The following CFAP54 variants were observed in gnomAD, a reference collection of about 807,000 sequenced individuals.
CFAP54 encodes cilia and flagella associated protein 54, also known as cilia- and flagella-associated protein 54.
In CFAP54, 290 loss-of-function variants were observed where a neutral mutation model predicts 370.4. The observed-to-expected ratio is 0.78, with a 90% CI of 0.71 to 0.86. The LOEUF (loss-of-function observed/expected upper bound fraction) is 0.86, where lower values mean the gene tolerates loss of function less well. CFAP54 is among the 40% of genes least tolerant of loss of function. The pLI is 0.00. For synonymous variants in CFAP54, 1,206 were observed against 1,236.5 expected, an observed-to-expected ratio of 0.98 and a Z score of 0.52; for missense variants, 3,399 against 3,528.7, an observed-to-expected ratio of 0.96 and a Z score of 0.93.
intron 26 of CFAP54, among the ~76,000 whole-genome samples, chr12:96,604,035 T>C (rs551183940): frequency 9.9e-5 from 15 of 152,120 alleles, no homozygotes; most frequent in Non-Finnish European, 2.1e-4. Context: ...AGAAGAGGCG[T>C]TCTGTTTTTT....
chr12:96,653,475 A>C (rs1956884517), intron 36 of CFAP54, among the ~76,000 whole-genome samples: 2 of 152,254 alleles, frequency 1.3e-5, no homozygotes, highest in Admixed American at 1.3e-4. Flanking sequence ...TAATATAGGA[A>C]GAAAAATCTC....
Position 96,663,844 on chromosome 12 carries a change from T to G in CFAP54, c.5475T>G (p.Asn1825Lys). 1.2e-6 allele frequency: 2 copies of G among 1,612,474 alleles called. No individual in the cohort carries two copies. Among genetic ancestry groups the G allele is most frequent in the Non-Finnish European group, 1.7e-6 (2 of 1,179,234 alleles). The change falls in exon 39 of 68, where the codon AAT becomes AAG. Residue 1825 changes from asparagine to lysine, a missense_variant. Asn to Lys is a moderately conservative substitution (Grantham distance 94, BLOSUM62 0). Transcript: ENST00000524981. ...TCTTTTTAAAGATAACTTGCCGAAA[T>G]TTCATTGGGAAGCAGCTTAAGATTA... ...AEYGEKITCR[N>K]FIGKQLKINS...
chr12:96,522,289 GC>G, intron 8 of CFAP54, 100 bp downstream of exon 8: 1 of 809,798 alleles, frequency 1.2e-6, no homozygotes, highest in Non-Finnish European at 1.9e-6. Context: ...ATTAAATTCT[GC>G]CCCCAGTTCT....
At chr12:96,573,604 C>T (rs978707691) in intron 19 of CFAP54, among the ~76,000 whole-genome samples, 2 of 152,200 alleles carry the variant, frequency 1.3e-5, no homozygotes, top group Non-Finnish European at 2.9e-5. Context: ...ACATTGCTCC[C>T]TCACCATCTA....
At chr12:96,508,614 T>C (rs1460924485) in intron 4 of CFAP54, among the ~76,000 whole-genome samples, 1 of 149,140 alleles carries the variant, frequency 6.7e-6, no homozygotes, top group East Asian at 2.0e-4. Flanking sequence ...TTTTAAAAGA[T>C]TATTTCTGTA....
intron 62 of CFAP54, among the ~76,000 whole-genome samples, chr12:96,788,909 C>A (rs1958654774): frequency 6.6e-6 from 1 of 152,108 alleles, no homozygotes; most frequent in Non-Finnish European, 1.5e-5. Context: ...TTGTGGCATG[C>A]CCAATGCTCA....
intron 66 of CFAP54, among the ~76,000 whole-genome samples, chr12:96,840,821 A>G (rs1428431505): frequency 6.6e-6 from 1 of 152,008 alleles, no homozygotes; most frequent in East Asian, 1.9e-4. Context: ...ATTCCACACT[A>G]CTTTTAAAAC....
chr12:96,854,745 G>A (rs571897714), intron 66 of CFAP54, among the ~76,000 whole-genome samples: 1 of 152,152 alleles, frequency 6.6e-6, no homozygotes, highest in South Asian at 2.1e-4. Flanking sequence ...TGTTTTATTT[G>A]AATAAACTCA....
intron 50 of CFAP54, among the ~76,000 whole-genome samples, chr12:96,723,337 A>G (rs1435326080): frequency 2.0e-5 from 3 of 152,170 alleles, no homozygotes; most frequent in African/African-American, 4.8e-5. Flanking sequence ...TTGTACTCCA[A>G]CTTTACGAGA....
intron 20 of CFAP54, 26 bp downstream of exon 20, chr12:96,576,787 C>T: frequency 1.3e-6 from 2 of 1,509,288 alleles, no homozygotes; most frequent in East Asian, 2.5e-5. Flanking sequence ...AAATTTTTGC[C>T]TCATGCAAAG....
chr12:96,594,859 T>C (rs1056047496), intron 25 of CFAP54, among the ~76,000 whole-genome samples: 1 of 152,148 alleles, frequency 6.6e-6, no homozygotes, highest in Admixed American at 6.5e-5. Context: ...AGTTAGGATT[T>C]ACAGAAAAAG....
At chr12:96,559,914 G>A (rs575775429) in intron 17 of CFAP54, among the ~76,000 whole-genome samples, 11 of 151,970 alleles carry the variant, frequency 7.2e-5, no homozygotes, top group Admixed American at 1.3e-4. Flanking sequence ...TTGGTGTCCC[G>A]TCTAAGAACT....
chr12:96,855,945 C>T (rs909402105), intron 66 of CFAP54, among the ~76,000 whole-genome samples: 1 of 152,242 alleles, frequency 6.6e-6, no homozygotes, highest in African/African-American at 2.4e-5. Context: ...CAACATACTT[C>T]TGCCTAGACA....
chr12:96,578,350 C>T (rs1226200292), intron 20 of CFAP54, among the ~76,000 whole-genome samples: 1 of 152,144 alleles, frequency 6.6e-6, no homozygotes, highest in Non-Finnish European at 1.5e-5. Flanking sequence ...TGTGCTATGA[C>T]AGATGCATTA....
intron 64 of CFAP54, among the ~76,000 whole-genome samples, chr12:96,816,819 C>A (rs1228870837): frequency 6.6e-6 from 1 of 152,184 alleles, no homozygotes; most frequent in African/African-American, 2.4e-5. Context: ...GCCTTTTCAC[C>A]TTCTGCCTCC....
Position 96,821,059 on chromosome 12 carries a change from C to T in CFAP54, c.9096+3146C>T, listed in dbSNP as rs527543200. Among the ~76,000 whole-genome samples the T allele has an allele frequency of 4.1e-4, 63 of 152,280 alleles. No individual in the cohort carries two copies. The South Asian group carries it at 0.013, about 31-fold the overall frequency. On this transcript the variant is annotated intron_variant, in intron 65 of 67. Transcript: ENST00000524981. The stretch of plus-strand genomic sequence containing the variant: ...CTAGATTGTACCCTCTGCCACTCAG[C>T]TTTACTACTGAAGGTCCGTCTCTTA...
In CFAP54 at chr12:96,859,821, A is replaced by AT. The variant is rs201246316; in HGVS notation, c.9172-991dup. Among the ~76,000 whole-genome samples, 405 of 152,298 alleles carry AT rather than the reference A, an allele frequency of 2.7e-3. 1 individual carries two copies. The highest frequency in any genetic ancestry group is 9.1e-3 in the African/African-American group (377 of 41,578). On this transcript the variant is annotated intron_variant, in intron 66 of 67. Transcript: ENST00000524981. ...CCAATAATGGCAACCTAATAATTCC[A>AT]TTTTTTTAAAAAAAAGAAAAAAACC...
At chr12:96,675,102 T>C (rs1957191174) in intron 39 of CFAP54, among the ~76,000 whole-genome samples, 1 of 151,784 alleles carries the variant, frequency 6.6e-6, no homozygotes. Flanking sequence ...CTAATTAAAC[T>C]AAAGAGCTTC....
chr12:96,655,028 G>A (rs1298553134), intron 36 of CFAP54, among the ~76,000 whole-genome samples: 2 of 139,742 alleles, frequency 1.4e-5, no homozygotes, highest in East Asian at 5.1e-4. Context: ...AAATGTGAAT[G>A]GCCAAAAAAA....
Sources: gnomAD v4.1 joint callset for allele counts (sites outside exome capture counted in the v4.1 genomes callset) on GRCh38, gnomAD v4.1.1 for gene constraint, MANE v1.5 for transcripts, NCBI Gene and HGNC (gene_info 2026-07-23, HGNC 2026-07-21) for gene names.